RBFOX1: variants seen among roughly 807,000 people sequenced by gnomAD.
RBFOX1 encodes RNA binding protein fox-1 homolog 1.
A neutral mutation model predicts 57.7 loss-of-function variants in RBFOX1; 8 were observed. The observed-to-expected ratio is 0.14, with a 90% CI of 0.08 to 0.25. The LOEUF (loss-of-function observed/expected upper bound fraction) is 0.25, where lower values mean the gene tolerates loss of function less well. Among genes scored for constraint, RBFOX1 ranks in the 10% least tolerant of loss-of-function variants. RBFOX1 has a pLI of 1.00. For synonymous variants in RBFOX1, 326 were observed against 222.4 expected (o/e 1.47, Z -4.15); for missense variants, 611 against 548.5 (o/e 1.11, Z -1.14).
intron 4 of RBFOX1, among the ~76,000 whole-genome samples, chr16:5,901,628 C>G (rs1046503000): frequency 6.6e-6 from 1 of 152,144 alleles, no homozygotes; most frequent in African/African-American, 2.4e-5. Context: ...TCATGGAGCT[C>G]AAGGCTGCCA....
intron 5 of RBFOX1, among the ~76,000 whole-genome samples, chr16:7,534,293 A>G (rs1308726000): frequency 6.6e-6 from 1 of 151,390 alleles, no homozygotes; most frequent in Non-Finnish European, 1.5e-5. Context: ...GGGTTTCACC[A>G]TGTTAGCCAG....
intron 10 of RBFOX1, among the ~76,000 whole-genome samples, chr16:7,620,569 C>G (rs553919941): frequency 1.3e-5 from 2 of 152,196 alleles, no homozygotes; most frequent in African/African-American, 2.4e-5. Context: ...ATCACAGATT[C>G]TTAAACATGA....
At chr16:6,861,996 C>G (rs967028987) in intron 3 of RBFOX1, among the ~76,000 whole-genome samples, 1 of 151,972 alleles carries the variant, frequency 6.6e-6, no homozygotes, top group African/African-American at 2.4e-5. Context: ...AGCTGTGATA[C>G]AGACTGTGGA....
At chr16:6,490,239 C>T (rs2095601292) in intron 2 of RBFOX1, among the ~76,000 whole-genome samples, 1 of 152,102 alleles carries the variant, frequency 6.6e-6, no homozygotes, top group Non-Finnish European at 1.5e-5. Flanking sequence ...TTTTATTCTG[C>T]TTTAGAAGGG....
At chr16:5,443,969 G>T (rs893050372) in intron 1 of RBFOX1, among the ~76,000 whole-genome samples, 2 of 152,116 alleles carry the variant, frequency 1.3e-5, no homozygotes, top group Admixed American at 1.3e-4. Context: ...GTCAACCATC[G>T]GCTCATGAAA....
chr16:7,292,268 A>G (rs1336092058), intron 4 of RBFOX1, among the ~76,000 whole-genome samples: 1 of 124,472 alleles, frequency 8.0e-6, no homozygotes, highest in Non-Finnish European at 1.6e-5. Context: ...ATGATATAGA[A>G]CGTATTATAT....
intron 3 of RBFOX1, among the ~76,000 whole-genome samples, chr16:6,673,163 C>G (rs1264983031): frequency 1.3e-5 from 2 of 152,294 alleles, no homozygotes; most frequent in African/African-American, 2.4e-5. Context: ...CTACACTTCC[C>G]AGGCTCATCA....
chr16:7,167,936 G>T (rs891033556), intron 4 of RBFOX1, among the ~76,000 whole-genome samples: 1 of 152,184 alleles, frequency 6.6e-6, no homozygotes, highest in Non-Finnish European at 1.5e-5. Flanking sequence ...ATGCTGCGGG[G>T]TAGGGGATGT....
intron 2 of RBFOX1, among the ~76,000 whole-genome samples, chr16:5,483,345 G>A (rs1435472645): frequency 4.6e-5 from 7 of 152,112 alleles, no homozygotes; most frequent in Admixed American, 4.6e-4. Context: ...ACTTGGTCTC[G>A]GCCTGTCTGT....
At chr16:7,234,541 A>G (rs2093670013) in intron 4 of RBFOX1, among the ~76,000 whole-genome samples, 2 of 151,926 alleles carry the variant, frequency 1.3e-5, no homozygotes, top group African/African-American at 4.8e-5. Flanking sequence ...GATAGTATGA[A>G]GCATTTAACC....
intron 4 of RBFOX1, among the ~76,000 whole-genome samples, chr16:5,891,087 C>A (rs1244777296): frequency 6.6e-6 from 1 of 152,166 alleles, no homozygotes; most frequent in Non-Finnish European, 1.5e-5. Flanking sequence ...TACTTGTCAA[C>A]CGTAACTGTT....
intron 3 of RBFOX1, among the ~76,000 whole-genome samples, chr16:7,047,355 G>T (rs2048328257): frequency 6.6e-6 from 1 of 151,868 alleles, no homozygotes; most frequent in Admixed American, 6.6e-5. Flanking sequence ...TTCAATAACT[G>T]TGTGTTATTT....
At chr16:5,465,409 G>A (rs533740393) in intron 1 of RBFOX1, among the ~76,000 whole-genome samples, 15 of 152,236 alleles carry the variant, frequency 9.9e-5, no homozygotes, top group East Asian at 5.8e-4. Flanking sequence ...AGTCAATTAC[G>A]TTCAGAAGTC....
intron 2 of RBFOX1, among the ~76,000 whole-genome samples, chr16:6,614,639 A>T (rs2098117481): frequency 6.6e-6 from 1 of 152,166 alleles, no homozygotes; most frequent in Admixed American, 6.5e-5. Flanking sequence ...GCAGGATCTG[A>T]GGAAGTAGCC....
chr16:7,151,972 C>G (rs1385862454), intron 4 of RBFOX1, among the ~76,000 whole-genome samples: 7 of 152,170 alleles, frequency 4.6e-5, no homozygotes, highest in African/African-American at 1.7e-4. Flanking sequence ...TGCTGCTTAC[C>G]TCCTGCTGTG....
chr16:5,520,463 A>G (rs1358737543), intron 2 of RBFOX1, among the ~76,000 whole-genome samples: 1 of 152,166 alleles, frequency 6.6e-6, no homozygotes, highest in Non-Finnish European at 1.5e-5. Context: ...CATGTCATCT[A>G]CATCTGGCTG....
At chr16:7,401,886 G>A (rs987200395) in intron 4 of RBFOX1, among the ~76,000 whole-genome samples, 3 of 152,124 alleles carry the variant, frequency 2.0e-5, no homozygotes, top group African/African-American at 7.2e-5. Flanking sequence ...AAATGGCTCT[G>A]GAGAAATTTT....
At chr16:5,905,827 C>T (rs548328291) in intron 4 of RBFOX1, among the ~76,000 whole-genome samples, 1 of 152,292 alleles carries the variant, frequency 6.6e-6, no homozygotes, top group Non-Finnish European at 1.5e-5. Flanking sequence ...CTCCCAAGCC[C>T]CAGCAAAGTG....
intron 4 of RBFOX1, among the ~76,000 whole-genome samples, chr16:7,328,373 G>A (rs988721031): frequency 4.0e-5 from 6 of 151,026 alleles, no homozygotes; most frequent in Non-Finnish European, 5.9e-5. Flanking sequence ...CCAGCTACTC[G>A]GCAGGCTGAA....
Sources: allele counts gnomAD v4.1 joint callset (sites outside exome capture counted in the v4.1 genomes callset), GRCh38; gene constraint gnomAD v4.1.1; transcripts MANE v1.5; gene names NCBI Gene and HGNC (gene_info 2026-07-23, HGNC 2026-07-21).